The following PNPLA7 variants were observed in gnomAD, a reference collection of about 807,000 sequenced individuals.
PNPLA7 encodes patatin like domain 7, lysophospholipase, also known as patatin-like phospholipase domain-containing protein 7.
Under a neutral mutation model 161.7 loss-of-function variants are expected in PNPLA7, and 153 were observed. The observed-to-expected ratio is 0.95, with a 90% confidence interval of 0.83 to 1.08. PNPLA7 has a LOEUF of 1.08. Among genes scored for constraint, PNPLA7 ranks in the 50% least tolerant of loss-of-function variants. PNPLA7 has a pLI of 0.00. For missense variants in PNPLA7, 1,739 were observed against 1,856.6 expected, an observed-to-expected ratio of 0.94 and a Z score of 1.16; for synonymous variants, 809 against 782.1, an observed-to-expected ratio of 1.03 and a Z score of -0.57.
At chr9:137,497,985 C>T in intron 17 of PNPLA7, 129 bp downstream of exon 17, 1 of 1,429,806 alleles carries the variant, frequency 7.0e-7, no homozygotes, top group East Asian at 2.3e-5. Flanking sequence ...TGGGGAAATC[C>T]AGCCTTCCAT....
intron 22 of PNPLA7, 65 bp downstream of exon 22, chr9:137,480,894 TG>T: frequency 6.8e-7 from 1 of 1,480,298 alleles, no homozygotes; most frequent in Non-Finnish European, 9.2e-7. Flanking sequence ...GTGGACACAG[TG>T]GGGACACATC....
intron 9 of PNPLA7, among the ~76,000 whole-genome samples, 163 bp from the exon 10 acceptor site, chr9:137,521,879 G>A (rs567776744): frequency 9.2e-5 from 14 of 152,248 alleles, no homozygotes; most frequent in African/African-American, 2.6e-4. Context: ...ACCTCACCAC[G>A]GTCAAGTAAC....
Position 137,460,271 on chromosome 9 carries a change from G to A in PNPLA7, c.*122C>T. 4 of 996,676 alleles carry A rather than the reference G, an allele frequency of 4.0e-6. No homozygotes were observed. The highest frequency in any genetic ancestry group is 3.3e-5 in the South Asian group (2 of 61,460). The allele number at this position is 996,676 out of a possible 1,614,324, so 61.7% of individuals were successfully genotyped here. A position where few individuals can be genotyped will look rare whatever the true frequency, so the allele number is the denominator to read the frequency against. ...CCAGAGAACCCTAACACAGCCTGGGGCCCCGGGGAAGTCAGGGCTTCCAGC... is the reference window on the plus strand; with the variant it reads ...CCAGAGAACCCTAACACAGCCTGGGACCCCGGGGAAGTCAGGGCTTCCAGC... On this transcript the variant is annotated 3_prime_UTR_variant, in exon 35 of 35. Coordinates refer to ENST00000406427, the MANE Select transcript of PNPLA7 (RefSeq NM_001098537.3).
intron 14 of PNPLA7, among the ~76,000 whole-genome samples, 161 bp downstream of exon 14, chr9:137,505,453 C>T (rs1833862098): frequency 6.6e-6 from 1 of 152,192 alleles, no homozygotes; most frequent in Non-Finnish European, 1.5e-5. Context: ...CTGCTAGCTT[C>T]CCAAAGGGGA....
At chr9:137,503,488 G>A (rs1162784999) in intron 14 of PNPLA7, among the ~76,000 whole-genome samples, 1 of 108,354 alleles carries the variant, frequency 9.2e-6, no homozygotes, top group Non-Finnish European at 1.9e-5. Flanking sequence ...GGGGGAAGGA[G>A]AAGGAGGAGG....
At position 137,467,467 on chromosome 9, in the gene PNPLA7, A is replaced by G. The variant is rs1046047211; in HGVS notation, c.2889T>C (p.Cys963=). The part of the protein sequence containing the change: ...LVLGGGGARG[C]AQVGVLKALA... ...AGGCCTTGAGAACGCCCACCTGGGC[A>G]CAGCCTCTACACCAGCCAGGGACAC... Residue 963 remains cysteine (C), a synonymous_variant, in exon 26 of 35, where the codon TGT becomes TGC. Transcript: ENST00000406427. This position sits in a 1 kb window ranked among gnomAD's most constrained non-coding sequence, Gnocchi z 5.1. The G allele has an allele frequency of 1.6e-5, 25 of 1,612,764 alleles. No individual in the cohort carries two copies. The highest frequency in any genetic ancestry group is 2.1e-5 in the Non-Finnish European group (25 of 1,179,968).
chr9:137,548,875 T>C (rs1836688461), intron 1 of PNPLA7, among the ~76,000 whole-genome samples: 1 of 152,060 alleles, frequency 6.6e-6, no homozygotes, highest in Non-Finnish European at 1.5e-5. Context: ...CAGAAGCAAA[T>C]ACAAGCCCTG....
At chr9:137,549,971 CA>C (rs1341839035) in intron 1 of PNPLA7, among the ~76,000 whole-genome samples, 196 bp downstream of exon 1, 1 of 152,252 alleles carries the variant, frequency 6.6e-6, no homozygotes, top group Non-Finnish European at 1.5e-5. Context: ...TCTGCTGTGA[CA>C]GGCGCGTCTA....
At chr9:137,539,299 C>T (rs183080393) in intron 8 of PNPLA7, among the ~76,000 whole-genome samples, 5 of 150,964 alleles carry the variant, frequency 3.3e-5, no homozygotes, top group African/African-American at 9.8e-5. Context: ...GCCAAGATTG[C>T]GCCATTGTAC....
At chr9:137,527,658 A>G (rs1188835239) in intron 8 of PNPLA7, among the ~76,000 whole-genome samples, 1 of 152,086 alleles carries the variant, frequency 6.6e-6, no homozygotes. Flanking sequence ...AATCTCTAAT[A>G]TTTCATTGAG....
In PNPLA7 at chr9:137,525,170, C is replaced by T. The variant is rs114773507; in HGVS notation, c.748-2313G>A. Among the ~76,000 whole-genome samples, 765 of 152,248 alleles carry T rather than the reference C, an allele frequency of 5.0e-3. 5 individuals carry two copies. Among genetic ancestry groups the T allele is most frequent in the African/African-American group, 0.018 (737 of 41,540 alleles). ...GCGGGGAGGGGAGGAAGCTAGACAT[C>T]GAGTTGGATCACACAGCCAAAGTTC... is the stretch of plus-strand genomic sequence containing the variant. On this transcript the variant is annotated intron_variant, in intron 8 of 34. Transcript: ENST00000406427.
In PNPLA7 at chr9:137,541,559, C is replaced by A. The variant is rs1025722926; in HGVS notation, c.667-837G>T. 1.1e-6 allele frequency: 1 copy of A among 938,310 alleles called. No homozygotes were observed. Among genetic ancestry groups the A allele is most frequent in the Non-Finnish European group, 1.3e-6 (1 of 787,110 alleles). 58.1% of individuals were successfully genotyped at this position (938,310 alleles called of 1,614,324 possible). On this transcript the variant is annotated intron_variant, in intron 7 of 34. Transcript: ENST00000406427. The surrounding 1 kb of genome is among the most constrained non-coding windows in gnomAD (Gnocchi z 4.4). ...AGGTCAGGGTGATGATCACACAAAG[C>A]CCAGGGTTTGCTGAGTGCGTGCTTT...
In PNPLA7 at chr9:137,467,382, C is replaced by T. The variant is rs775132207; in HGVS notation, c.2974G>A (p.Gly992Ser). ...TTCCGCTCCTCAGAGTACAGGGCAC[C>T]CACGAAGGCCCCGATGGACGTGCCT... Reference protein sequence around the residue: ...VGGTSIGAFVGALYSEERNYS... With the variant: ...VGGTSIGAFVSALYSEERNYS... Residue 992 changes from glycine to serine, a missense_variant, in exon 26 of 35, where the codon GGT (glycine) becomes AGT (serine). Physicochemically the swap from Gly to Ser is moderately conservative, Grantham distance 56. Around this residue, in one of 6 missense-constraint regions of PNPLA7, gnomAD observed 703 missense variants for 694.6 expected, o/e 1.01. Transcript: ENST00000406427. The surrounding 1 kb of genome is among the most constrained non-coding windows in gnomAD (Gnocchi z 5.1). 6.2e-7 allele frequency: 1 copy of T among 1,613,508 alleles called. No individual in the cohort carries two copies. The highest frequency in any genetic ancestry group is 1.1e-5 in the South Asian group (1 of 91,086).
At chr9:137,501,032 CT>C (rs2132287197) in intron 15 of PNPLA7, 136 bp from the exon 16 acceptor site, 1 of 694,756 alleles carries the variant, frequency 1.4e-6, no homozygotes, top group East Asian at 2.8e-5. Flanking sequence ...TGGGCATGGA[CT>C]TCACTGGAAA....
At position 137,550,217 on chromosome 9, in the gene PNPLA7, A is replaced by C. The variant is rs752174017; in HGVS notation, c.-20T>G. 6.2e-6 allele frequency: 10 copies of C among 1,612,986 alleles called. No individual in the cohort carries two copies. The East Asian group carries it at 2.0e-4, about 32-fold the overall frequency. On this transcript the variant is annotated 5_prime_UTR_variant, in exon 1 of 35. Transcript: ENST00000406427. ...CTCCATGGCCAGAAACAGAAAAAAC[A>C]GTCAGGGGCGAAAAGCAGACAGCCT...
chr9:137,540,784 G>T lies in PNPLA7; in HGVS notation c.667-62C>A. ...GGGGCTGCGACCGCGGGGCCTGGCG[G>T]AGGCTCAGCCCAGCCCAGGGCAGTG... On this transcript the variant is annotated intron_variant, in intron 7 of 34. Coordinates refer to ENST00000406427, the MANE Select transcript of PNPLA7 (RefSeq NM_001098537.3). The surrounding 1 kb of genome is among the most constrained non-coding windows in gnomAD (Gnocchi z 5.1). The T allele has an allele frequency of 6.7e-7, 1 of 1,490,208 alleles. No individual in the cohort carries two copies. The allele number at this position is 1,490,208 out of a possible 1,614,324, so 92.3% of individuals were successfully genotyped here.
In PNPLA7 at chr9:137,468,555, G is replaced by T. The variant is rs1414055781; in HGVS notation, c.2883-1082C>A. On this transcript the variant is annotated intron_variant, in intron 25 of 34. Transcript: ENST00000406427. The surrounding 1 kb of genome is among the most constrained non-coding windows in gnomAD (Gnocchi z 4.0). Reference sequence around the variant, plus strand: ...GCTGGGGGGGACCCTGGAGGCATTTGCTGTGGTTTAGCTCTCTGTCCCCAC... The same window carrying T: ...GCTGGGGGGGACCCTGGAGGCATTTTCTGTGGTTTAGCTCTCTGTCCCCAC... Among the ~76,000 whole-genome samples, 1 of 152,154 alleles carries T rather than the reference G, an allele frequency of 6.6e-6. No homozygotes were observed. Among genetic ancestry groups the T allele is most frequent in the African/African-American group, 2.4e-5 (1 of 41,426 alleles).
chr9:137,541,574 G>C lies in PNPLA7; in HGVS notation c.667-852C>G, dbSNP rs1460921703. 1.2e-6 allele frequency: 1 copy of C among 834,064 alleles called. No individual in the cohort carries two copies. The highest frequency in any genetic ancestry group is 1.8e-5 in the African/African-American group (1 of 54,298). The allele number at this position is 834,064 out of a possible 1,614,324, so 51.7% of individuals were successfully genotyped here. On this transcript the variant is annotated intron_variant, in intron 7 of 34. Coordinates refer to ENST00000406427, the MANE Select transcript of PNPLA7 (RefSeq NM_001098537.3). This position sits in a 1 kb window ranked among gnomAD's most constrained non-coding sequence, Gnocchi z 4.4. ...TCACACAAAGCCCAGGGTTTGCTGA[G>C]TGCGTGCTTTAAATGAGAACAAGCA...
chr9:137,510,169 C>A (rs141114215), intron 12 of PNPLA7, among the ~76,000 whole-genome samples: 1 of 152,132 alleles, frequency 6.6e-6, no homozygotes, highest in African/African-American at 2.4e-5. Context: ...GAACAACACC[C>A]GCTACTTAGC....
Sources: allele counts gnomAD v4.1 joint callset (sites outside exome capture counted in the v4.1 genomes callset), GRCh38; gene constraint gnomAD v4.1.1; regional missense constraint gnomAD v4.1.1; non-coding constraint Gnocchi (gnomAD v3.1); transcripts MANE v1.5; gene names NCBI Gene and HGNC (gene_info 2026-07-23, HGNC 2026-07-21).